The following LRCH1 variants were observed in gnomAD, a reference collection of about 807,000 sequenced individuals.
The protein encoded by LRCH1 is leucine-rich repeat and calponin homology domain-containing protein 1.
In LRCH1, 23 loss-of-function variants were observed where a neutral mutation model predicts 94.9. That is an observed-to-expected ratio of 0.24 (90% CI 0.17 to 0.34). The LOEUF (loss-of-function observed/expected upper bound fraction) is 0.34, where lower values mean the gene tolerates loss of function less well. LRCH1 is among the 10% of genes least tolerant of loss of function. The pLI is 1.00. For missense variants in LRCH1, 790 were observed against 945.9 expected, an observed-to-expected ratio of 0.84 and a Z score of 2.16; for synonymous variants, 364 against 354.9, an observed-to-expected ratio of 1.03 and a Z score of -0.29.
At chr13:46,581,525 C>T (rs1359058905) in intron 1 of LRCH1, among the ~76,000 whole-genome samples, 2 of 152,126 alleles carry the variant, frequency 1.3e-5, no homozygotes, top group African/African-American at 4.8e-5. Flanking sequence ...CAAGCACGTT[C>T]GATTTATTAT....
intron 10 of LRCH1, among the ~76,000 whole-genome samples, chr13:46,700,572 A>G (rs187458113): frequency 1.8e-4 from 27 of 152,344 alleles, no homozygotes; most frequent in Middle Eastern, 3.4e-3. Flanking sequence ...TTATCTGTAG[A>G]GCTTTATAAA....
intron 8 of LRCH1, among the ~76,000 whole-genome samples, chr13:46,694,112 C>A (rs1490156255): frequency 6.6e-6 from 1 of 152,152 alleles, no homozygotes; most frequent in Non-Finnish European, 1.5e-5. Context: ...ATATTATACA[C>A]TGTAGGAGGT....
At chr13:46,677,699 A>G (rs2051696881) in intron 3 of LRCH1, among the ~76,000 whole-genome samples, 1 of 152,216 alleles carries the variant, frequency 6.6e-6, no homozygotes, top group South Asian at 2.1e-4. Context: ...TAAAAACATG[A>G]TGACCAGTGG....
At chr13:46,654,704 C>G (rs192161273) in intron 2 of LRCH1, among the ~76,000 whole-genome samples, 2 of 152,160 alleles carry the variant, frequency 1.3e-5, no homozygotes. Flanking sequence ...TGAGCTCACA[C>G]TTAAGGTAGA....
chr13:46,670,605 G>T (rs987945033), intron 3 of LRCH1, among the ~76,000 whole-genome samples: 6 of 152,144 alleles, frequency 3.9e-5, no homozygotes, highest in African/African-American at 1.4e-4. Context: ...GCCACCAAAG[G>T]GGGTAATTCT....
At chr13:46,634,786 C>T (rs1351553335) in intron 1 of LRCH1, among the ~76,000 whole-genome samples, 2 of 150,694 alleles carry the variant, frequency 1.3e-5, no homozygotes, top group Non-Finnish European at 1.5e-5. Context: ...TGGTGTGTCT[C>T]ATTGATAGCA....
At chr13:46,695,115 TC>T in intron 9 of LRCH1, 98 bp downstream of exon 9, 1 of 1,434,792 alleles carries the variant, frequency 7.0e-7, no homozygotes, top group Non-Finnish European at 9.5e-7. Context: ...CCCTTCAATG[TC>T]CAGCTTGCTG....
chr13:46,687,116 A>G (rs1870661800), intron 5 of LRCH1, among the ~76,000 whole-genome samples: 4 of 151,268 alleles, frequency 2.6e-5, no homozygotes, highest in Non-Finnish European at 5.9e-5. Flanking sequence ...CTGCCACCAC[A>G]CCTGGATAGT....
chr13:46,712,527 T>G lies in LRCH1; in HGVS notation c.1584T>G (p.Ile528Met). 3.7e-6 allele frequency: 6 copies of G among 1,612,066 alleles called. No individual in the cohort carries two copies. Among genetic ancestry groups the G allele is most frequent in the Middle Eastern group, 1.7e-4 (1 of 6,054 alleles). ...SNGSQYSPNE[I>M]RENSPAVSPT... ...TTCCTTTCCTTCCAACACCACAGAT[T>G]AGAGAGAACTCCCCTGCAGTCTCTC... The change falls in exon 15 of 20, where the codon ATT becomes ATG. Residue 528 changes from isoleucine to methionine, a missense_variant and splice_region_variant. Transcript: ENST00000389797.
rs187462218 is a variant in LRCH1 at position 46,720,985 on chromosome 13, G to A, written c.1760-2236G>A. Reference sequence around the variant, plus strand: ...TCATTTTAAAAAATACAGTTCAATTGGTTTTTAAAACACTTTTGGTTGCCT... The same window carrying A: ...TCATTTTAAAAAATACAGTTCAATTAGTTTTTAAAACACTTTTGGTTGCCT... On this transcript the variant is annotated intron_variant, in intron 16 of 19. Transcript: ENST00000389797. 1.1e-4 allele frequency among the ~76,000 whole-genome samples: 17 copies of A among 152,104 alleles called. No individual in the cohort carries two copies. The East Asian group carries it at 3.3e-3, about 29-fold the overall frequency.
chr13:46,654,175 A>G (rs957811892), intron 2 of LRCH1, among the ~76,000 whole-genome samples: 9 of 152,180 alleles, frequency 5.9e-5, no homozygotes, highest in Non-Finnish European at 1.0e-4. Flanking sequence ...TATCATCCAC[A>G]TGATAGTGTT....
At chr13:46,667,456 C>T (rs1289153201) in intron 2 of LRCH1, among the ~76,000 whole-genome samples, 8 of 141,802 alleles carry the variant, frequency 5.6e-5, no homozygotes, top group African/African-American at 2.1e-4. Flanking sequence ...TGTTCTCACT[C>T]ATAGGTGGGA....
At chr13:46,692,707 C>A in intron 8 of LRCH1, 66 bp downstream of exon 8, 2 of 1,191,786 alleles carry the variant, frequency 1.7e-6, no homozygotes, top group South Asian at 1.2e-5. Flanking sequence ...TTAAAATAAC[C>A]TGTGCACAGA....
Position 46,712,597 on chromosome 13 carries a change from G to C in LRCH1, c.1654G>C (p.Asp552His), listed in dbSNP as rs1872126875. The C allele has an allele frequency of 6.2e-7, 1 of 1,613,620 alleles. No individual in the cohort carries two copies. The highest frequency in any genetic ancestry group is 8.5e-7 in the Non-Finnish European group (1 of 1,179,620). ...TAPFGLKPRS[D>H]PALILPPISF... The stretch of plus-strand genomic sequence containing the variant: ...TCCATTTGGCCTGAAGCCTCGATCA[G>C]GTAAATGAAAACCTCAGCCCATTCT... Residue 552 changes from aspartate (D) to histidine (H), a missense_variant and splice_region_variant, in exon 15 of 20, where the codon GAC (aspartate) becomes CAC (histidine). Coordinates refer to ENST00000389797, the MANE Select transcript of LRCH1 (RefSeq NM_001164211.2).
At chr13:46,585,016 C>T (rs1052664969) in intron 1 of LRCH1, among the ~76,000 whole-genome samples, 1 of 152,180 alleles carries the variant, frequency 6.6e-6, no homozygotes, top group East Asian at 1.9e-4. Context: ...ACTTGCTTCA[C>T]TACTGGAAAG....
In LRCH1 at chr13:46,553,533, G is replaced by C; in HGVS notation, c.137G>C (p.Gly46Ala). ...GGAACCGGCGCCCCCGGCGGGGCGGGTGGTGGCGGCGGTGGCAGCGGGGGC... is the reference window on the plus strand; with the variant it reads ...GGAACCGGCGCCCCCGGCGGGGCGGCTGGTGGCGGCGGTGGCAGCGGGGGC... ...HGGTGAPGGA[G>A]GGGGGSGGFN... The change falls in exon 1 of 20, where the codon GGT becomes GCT. Residue 46 changes from glycine to alanine, a missense_variant. By Grantham distance (60) the Gly-to-Ala change is moderately conservative. Around this residue, in one of 3 missense-constraint regions of LRCH1, gnomAD observed 136 missense variants for 143.5 expected, o/e 0.95. Transcript: ENST00000389797. 2 of 1,546,742 alleles carry C rather than the reference G, an allele frequency of 1.3e-6. No homozygotes were observed. Among genetic ancestry groups the C allele is most frequent in the Non-Finnish European group, 1.7e-6 (2 of 1,144,776 alleles).
intron 10 of LRCH1, among the ~76,000 whole-genome samples, chr13:46,700,756 G>A (rs1352349835): frequency 1.3e-5 from 2 of 152,208 alleles, no homozygotes. Flanking sequence ...AGGCCCAGAA[G>A]TAGTACAGAC....
chr13:46,735,788 CTTTTCTTTTTT>C (rs1873343943), intron 19 of LRCH1, among the ~76,000 whole-genome samples: 1 of 69,916 alleles, frequency 1.4e-5, no homozygotes, highest in Non-Finnish European at 2.8e-5. Context: ...TTTTCTTTTT[CTTTTCTTTTTT>C]TTTTTTTTTT....
intron 1 of LRCH1, among the ~76,000 whole-genome samples, chr13:46,594,377 A>C (rs2050535535): frequency 6.6e-6 from 1 of 152,212 alleles, no homozygotes; most frequent in Non-Finnish European, 1.5e-5. Flanking sequence ...CTAGAACCTT[A>C]TAGAACAAGT....
Sources: allele counts gnomAD v4.1 joint callset (sites outside exome capture counted in the v4.1 genomes callset), GRCh38; gene constraint gnomAD v4.1.1; regional missense constraint gnomAD v4.1.1; transcripts MANE v1.5; gene names NCBI Gene and HGNC (gene_info 2026-07-23, HGNC 2026-07-21).